Variants in RFPL2 observed in about 807,000 individuals in gnomAD.
The protein encoded by RFPL2 is ret finger protein-like 2.
RFPL2 carries 13 observed loss-of-function variants against 17.8 expected under a neutral mutation model. The ratio of observed to expected loss-of-function variants is 0.73; its 90% CI spans 0.47 to 1.16. RFPL2 has a LOEUF of 1.16. Ranked by LOEUF, RFPL2 falls within the 50% of genes most tolerant of loss-of-function variation. RFPL2 has a pLI of 0.00. For missense variants in RFPL2, 431 were observed against 479.3 expected, an observed-to-expected ratio of 0.90 and a Z score of 0.94; for synonymous variants, 189 against 180.9, an observed-to-expected ratio of 1.04 and a Z score of -0.36.
chr22:32,200,477 C>T (rs1470826732), intron 2 of RFPL2, among the ~76,000 whole-genome samples: 1 of 152,114 alleles, frequency 6.6e-6, no homozygotes, highest in Non-Finnish European at 1.5e-5. Flanking sequence ...GGGATAGTAG[C>T]CCAGGGGGAG....
chr22:32,196,309 C>A (rs553150854), intron 2 of RFPL2, among the ~76,000 whole-genome samples: 57 of 152,252 alleles, frequency 3.7e-4, no homozygotes, highest in African/African-American at 1.3e-3. Flanking sequence ...TAATCTATTT[C>A]CCTCTCCTAA....
chr22:32,191,981 A>G (rs1306368590), intron 4 of RFPL2, among the ~76,000 whole-genome samples: 2 of 152,212 alleles, frequency 1.3e-5, no homozygotes, highest in African/African-American at 4.8e-5. Context: ...GATCACCAAT[A>G]TAGATTTTAT....
chr22:32,191,135 G>T lies in RFPL2; in HGVS notation c.774C>A (p.Cys258Ter). Residue 258 changes from cysteine (C) to a stop codon, truncating the protein, a stop_gained, in exon 5 of 5, where the codon TGC (cysteine) becomes TGA (stop). Coordinates refer to ENST00000652607, the MANE Select transcript of RFPL2 (RefSeq NM_001394555.1). LOFTEE classifies it low-confidence loss of function (END_TRUNC). ...GTSTEWDLGV[C>*]RESVHRKGRI... ...TCCCTTTGCGGTGAACAGATTCTCT[G>T]CAGACTCCCAGGTCCCATTCTGTGC... The T allele has an allele frequency of 6.2e-7, 1 of 1,613,944 alleles. No homozygotes were observed. The highest frequency in any genetic ancestry group is 8.5e-7 in the Non-Finnish European group (1 of 1,179,868).
At position 32,190,800 on chromosome 22, in the gene RFPL2, G is replaced by A. The variant is rs763164237; in HGVS notation, c.1109C>T (p.Ala370Val). The A allele has an allele frequency of 4.5e-5, 69 of 1,533,924 alleles. No individual in the cohort carries two copies. The highest frequency in any genetic ancestry group is 5.8e-5 in the Non-Finnish European group (66 of 1,140,420). The change falls in exon 5 of 5, where the codon GCT becomes GTT. Residue 370 changes from alanine to valine, a missense_variant. Ala to Val is a moderately conservative substitution (Grantham distance 64, BLOSUM62 0). Transcript: ENST00000652607. ...TTTGGCCTCCCCAGGACGGACTGGAGCATCAGTAGTGCCTGAGTTCATCAA... is the reference window on the plus strand; with the variant it reads ...TTTGGCCTCCCCAGGACGGACTGGAACATCAGTAGTGCCTGAGTTCATCAA... ...CPLMNSGTTDAPVRPGEAK is the reference protein window; with the variant it reads ...CPLMNSGTTDVPVRPGEAK
intron 4 of RFPL2, 148 bp from the exon 5 acceptor site, chr22:32,191,500 T>C (rs1922651917): frequency 2.1e-6 from 2 of 945,218 alleles, no homozygotes; most frequent in Non-Finnish European, 3.1e-6. Flanking sequence ...GTAACTTCCC[T>C]GACTAGTTCA....
chr22:32,190,607 A>C lies in RFPL2; in HGVS notation c.*165T>G. ...GAGTTTGATGGTGGCAATAATTAAT[A>C]CTTAGGACTCTATAATCTAATCAAA... On this transcript the variant is annotated 3_prime_UTR_variant, in exon 5 of 5. Coordinates refer to ENST00000652607, the MANE Select transcript of RFPL2 (RefSeq NM_001394555.1). The C allele has an allele frequency of 1.6e-6, 1 of 642,480 alleles. No individual in the cohort carries two copies. The highest frequency in any genetic ancestry group is 2.4e-6 in the Non-Finnish European group (1 of 408,960). The allele number at this position is 642,480 out of a possible 1,614,324, so 39.8% of individuals were successfully genotyped here.
chr22:32,191,171 G>T lies in RFPL2; in HGVS notation c.738C>A (p.Asp246Glu). The T allele has an allele frequency of 1.9e-6, 3 of 1,613,866 alleles. No homozygotes were observed. Among genetic ancestry groups the T allele is most frequent in the Non-Finnish European group, 2.5e-6 (3 of 1,179,850 alleles). Residue 246 changes from aspartate to glutamate, a missense_variant, in exon 5 of 5, where the codon GAC becomes GAA. Transcript: ENST00000652607. ...GGTCCCATTCTGTGCTTGTTCCCAC[G>T]TCCACCTCCCAGCAGTGGCGGCCAC... ...FTCGRHCWEV[D>E]VGTSTEWDLG...
Position 32,191,264 on chromosome 22 carries a change from C to G in RFPL2, c.645G>C (p.Gln215His). 2 of 1,613,916 alleles carry G rather than the reference C, an allele frequency of 1.2e-6. No homozygotes were observed. The highest frequency in any genetic ancestry group is 1.7e-6 in the Non-Finnish European group (2 of 1,179,872). ...LRSVRSGRIR[Q>H]NRQDLAERFD... ...ATCTCTCGGCAAGGTCTTGCCGATTCTGTCTGATGCGCCCACTTCGGACGC... is the reference window on the plus strand; with the variant it reads ...ATCTCTCGGCAAGGTCTTGCCGATTGTGTCTGATGCGCCCACTTCGGACGC... Residue 215 changes from glutamine to histidine, a missense_variant, in exon 5 of 5, where the codon CAG becomes CAC. Physicochemically the swap from Gln to His is conservative, Grantham distance 24 (BLOSUM62 0). Transcript: ENST00000652607.
chr22:32,190,943 A>G lies in RFPL2; in HGVS notation c.966T>C (p.Ala322=). 1.2e-6 allele frequency: 2 copies of G among 1,603,350 alleles called. No homozygotes were observed. The highest frequency in any genetic ancestry group is 1.7e-6 in the Non-Finnish European group (2 of 1,174,300). The part of the protein sequence containing the change: ...MGMQNVSFFD[A]ESGSHVYTFR... ...ATGTATAGACATGGGAACCACTTTC[A>G]GCATCAAAAAAGGAAACGTTCTGCA... is the stretch of plus-strand genomic sequence containing the variant. Residue 322 remains alanine, a synonymous_variant, in exon 5 of 5, where the codon GCT becomes GCC. Coordinates refer to ENST00000652607, the MANE Select transcript of RFPL2 (RefSeq NM_001394555.1).
chr22:32,199,581 G>A (rs181489485), intron 2 of RFPL2, among the ~76,000 whole-genome samples: 39 of 152,300 alleles, frequency 2.6e-4, no homozygotes, highest in African/African-American at 9.1e-4. Context: ...TCAACAGGAG[G>A]CTCACAGAGC....
At chr22:32,202,624 T>G in intron 1 of RFPL2, 74 bp from the exon 2 acceptor site, 1 of 1,425,264 alleles carries the variant, frequency 7.0e-7, no homozygotes, top group East Asian at 2.5e-5. Flanking sequence ...GGGGCCGGTT[T>G]CAGCGAAGGT....
chr22:32,199,913 T>C (rs136490), intron 2 of RFPL2: 217,034 of 477,180 alleles, frequency 0.45, 56,199 homozygotes, highest in African/African-American at 0.85. Flanking sequence ...GCTCGCCCAC[T>C]CACAGGCCAG....
intron 3 of RFPL2, 96 bp from the exon 4 acceptor site, chr22:32,193,288 G>A: frequency 6.2e-7 from 1 of 1,604,396 alleles, no homozygotes; most frequent in South Asian, 1.1e-5. Flanking sequence ...TAGAGGTATT[G>A]TGTTCCAGCT....
In RFPL2 at chr22:32,193,075, A is replaced by G; in HGVS notation, c.383T>C (p.Leu128Pro). 1 of 1,614,016 alleles carries G rather than the reference A, an allele frequency of 6.2e-7. No homozygotes were observed. Among genetic ancestry groups the G allele is most frequent in the Non-Finnish European group, 8.5e-7 (1 of 1,179,880 alleles). ...CAVCLKCINSLQKEPHGEDLL... is the reference protein window; with the variant it reads ...CAVCLKCINSPQKEPHGEDLL... Reference sequence around the variant, plus strand: ...ATCCTCCCCATGGGGCTCCTTCTGCAGTGAATTAATGCACTTGAGGCAGAC... The same window carrying G: ...ATCCTCCCCATGGGGCTCCTTCTGCGGTGAATTAATGCACTTGAGGCAGAC... Residue 128 changes from leucine to proline, a missense_variant, in exon 4 of 5, where the codon CTG becomes CCG. Coordinates refer to ENST00000652607, the MANE Select transcript of RFPL2 (RefSeq NM_001394555.1).
At chr22:32,192,649 G>C (rs1433450393) in intron 4 of RFPL2, among the ~76,000 whole-genome samples, 1 of 152,186 alleles carries the variant, frequency 6.6e-6, no homozygotes, top group Non-Finnish European at 1.5e-5. Context: ...AAGATCCCCA[G>C]GTAATCTGAG....
At chr22:32,201,144 TCTC>T (rs1253129027) in intron 2 of RFPL2, among the ~76,000 whole-genome samples, 3 of 151,414 alleles carry the variant, frequency 2.0e-5, no homozygotes, top group Non-Finnish European at 4.4e-5. Context: ...TTCACGCCAT[TCTC>T]CTGCCTCAGC....
intron 2 of RFPL2, among the ~76,000 whole-genome samples, chr22:32,197,003 C>T (rs1415442428): frequency 6.6e-6 from 1 of 152,128 alleles, no homozygotes; most frequent in Non-Finnish European, 1.5e-5. Flanking sequence ...TTATCTTGTA[C>T]CAAGCAGAAA....
intron 2 of RFPL2, among the ~76,000 whole-genome samples, chr22:32,202,102 A>G (rs1201851369): frequency 6.6e-6 from 1 of 152,106 alleles, no homozygotes; most frequent in African/African-American, 2.4e-5. Flanking sequence ...GGACGCCCCC[A>G]GCTCCTGGCC....
intron 2 of RFPL2, 77 bp downstream of exon 2, chr22:32,202,256 C>A: frequency 6.5e-7 from 1 of 1,528,244 alleles, no homozygotes. Context: ...CTCACTGTGA[C>A]CCTCCTCCTG....
Sources: gnomAD v4.1 joint callset for allele counts (sites outside exome capture counted in the v4.1 genomes callset) on GRCh38, gnomAD v4.1.1 for gene constraint, MANE v1.5 for transcripts, NCBI Gene and HGNC (gene_info 2026-07-23, HGNC 2026-07-21) for gene names.